Variants in PTPRQ observed in about 807,000 individuals in gnomAD.
PTPRQ encodes the protein phosphatidylinositol phosphatase PTPRQ.
In PTPRQ, 199 loss-of-function variants were observed where a neutral mutation model predicts 246.0. That is an observed-to-expected ratio of 0.81 (90% CI 0.72 to 0.91). PTPRQ has a LOEUF of 0.91. PTPRQ is among the 40% of genes least tolerant of loss of function. The probability of loss-of-function intolerance (pLI) is 0.00; values close to 1 mark genes in which losing one functional copy is unlikely to be tolerated. For missense variants in PTPRQ, 2,624 were observed against 2,528.4 expected (o/e 1.04, Z -0.81); for synonymous variants, 869 against 853.2 (o/e 1.02, Z -0.32).
chr12:80,476,475 G>T (rs375323693), intron 8 of PTPRQ, among the ~76,000 whole-genome samples: 2 of 152,090 alleles, frequency 1.3e-5, no homozygotes, highest in Non-Finnish European at 2.9e-5. Flanking sequence ...ATGGCCCAAC[G>T]ATTGTCACAA....
At chr12:80,479,698 G>A (rs2120582425) in intron 8 of PTPRQ, among the ~76,000 whole-genome samples, 1 of 142,852 alleles carries the variant, frequency 7.0e-6, no homozygotes, top group East Asian at 2.0e-4. Flanking sequence ...CAAGCAAATG[G>A]AGAACAAAAA....
At chr12:80,511,068 T>A (rs1436733933) in intron 17 of PTPRQ, among the ~76,000 whole-genome samples, 1 of 152,162 alleles carries the variant, frequency 6.6e-6, no homozygotes, top group African/African-American at 2.4e-5. Flanking sequence ...ACCAATTAGG[T>A]AACACATTAC....
chr12:80,568,917 T>C (rs1425573836), intron 25 of PTPRQ, among the ~76,000 whole-genome samples: 2 of 152,180 alleles, frequency 1.3e-5, no homozygotes, highest in African/African-American at 2.4e-5. Flanking sequence ...ACCCAATATA[T>C]GATAGTAACA....
intron 23 of PTPRQ, among the ~76,000 whole-genome samples, chr12:80,545,184 T>C (rs1481329616): frequency 6.6e-6 from 1 of 152,114 alleles, no homozygotes; most frequent in Non-Finnish European, 1.5e-5. Context: ...TAGATTTCTC[T>C]AGTTAATATA....
intron 35 of PTPRQ, 133 bp downstream of exon 35, chr12:80,635,206 A>ACC: frequency 2.2e-6 from 3 of 1,350,502 alleles, no homozygotes; most frequent in Non-Finnish European, 2.9e-6. Context: ...TCAAAGAGTG[A>ACC]CCTCCGTCTT....
intron 17 of PTPRQ, among the ~76,000 whole-genome samples, chr12:80,518,216 G>A (rs1370123193): frequency 2.0e-5 from 3 of 152,110 alleles, no homozygotes; most frequent in African/African-American, 7.2e-5. Context: ...GTTTTGATTT[G>A]CATTTCTCTG....
rs142983229 is a variant in PTPRQ at position 80,667,323 on chromosome 12, G to A, written c.6193-1684G>A. ...CCAGTGATATGTGAAGTTTGGAGAT[G>A]GGCTGGAGAACACTATGATAAGTGA... On this transcript the variant is annotated intron_variant, in intron 39 of 44. Coordinates refer to ENST00000644991, the MANE Select transcript of PTPRQ (RefSeq NM_001145026.2). 7.6e-3 allele frequency among the ~76,000 whole-genome samples: 1,158 copies of A among 151,900 alleles called. 8 individuals are homozygous for A. The highest frequency in any genetic ancestry group is 0.027 in the African/African-American group (1,117 of 41,450).
intron 37 of PTPRQ, 141 bp from the exon 38 acceptor site, chr12:80,652,603 G>T: frequency 1.3e-6 from 1 of 782,900 alleles, no homozygotes; most frequent in Non-Finnish European, 1.8e-6. Flanking sequence ...CTGTTAACTT[G>T]ACCTTGTTTC....
chr12:80,538,426 C>T (rs1340725235), intron 19 of PTPRQ, among the ~76,000 whole-genome samples: 1 of 152,006 alleles, frequency 6.6e-6, no homozygotes, highest in East Asian at 1.9e-4. Context: ...AATTCTATAA[C>T]AAAAATTAAA....
In PTPRQ at chr12:80,545,762, TTTA is replaced by T. The variant is rs947561563; in HGVS notation, c.3874-783_3874-781del. 1.2e-4 allele frequency among the ~76,000 whole-genome samples: 18 copies of T among 147,640 alleles called. 1 individual carries two copies. Among genetic ancestry groups the T allele is most frequent in the Admixed American group, 2.7e-4 (4 of 14,704 alleles). ...AATTATTATTTTAAAATAATAATAA[TTTA>T]TTATTATTATATATAATAATGTTAT... On this transcript the variant is annotated intron_variant, in intron 23 of 44. Coordinates refer to ENST00000644991, the MANE Select transcript of PTPRQ (RefSeq NM_001145026.2).
Position 80,670,440 on chromosome 12 carries a change from T to C in PTPRQ, c.6550T>C (p.Leu2184=). 2 of 1,551,282 alleles carry C rather than the reference T, an allele frequency of 1.3e-6. No individual in the cohort carries two copies. The highest frequency in any genetic ancestry group is 1.7e-6 in the Non-Finnish European group (2 of 1,146,620). Residue 2184 remains leucine, a synonymous_variant, in exon 42 of 45, where the codon TTG becomes CTG. Transcript: ENST00000644991. ...CGCCCCTCTAATTCACTTTGTGAAGTTGGTTCGAGCAAGCAGGGCACATGA... is the reference window on the plus strand; with the variant it reads ...CGCCCCTCTAATTCACTTTGTGAAGCTGGTTCGAGCAAGCAGGGCACATGA... ...NSAPLIHFVK[L]VRASRAHDTT...
intron 25 of PTPRQ, among the ~76,000 whole-genome samples, chr12:80,558,609 A>G (rs1388335010): frequency 6.6e-6 from 1 of 151,854 alleles, no homozygotes; most frequent in African/African-American, 2.4e-5. Flanking sequence ...CAATTTTTGT[A>G]GGAACATAAA....
At chr12:80,650,180 A>T (rs1218671383) in intron 37 of PTPRQ, among the ~76,000 whole-genome samples, 5 of 149,846 alleles carry the variant, frequency 3.3e-5, no homozygotes, top group African/African-American at 7.5e-5. Context: ...GTCTAAAAAT[A>T]AAAAAAAAGA....
rs543300356 is a variant in PTPRQ at position 80,465,762 on chromosome 12, T to A, written c.911-2948T>A. ...AGAACCAAAGACAAAAACCACATGATTATCTCAATAGATGCAGAAAAGGCC... is the reference window on the plus strand; with the variant it reads ...AGAACCAAAGACAAAAACCACATGAATATCTCAATAGATGCAGAAAAGGCC... On this transcript the variant is annotated intron_variant, in intron 6 of 44. Coordinates refer to ENST00000644991, the MANE Select transcript of PTPRQ (RefSeq NM_001145026.2). Among the ~76,000 whole-genome samples the A allele has an allele frequency of 6.9e-4, 105 of 152,196 alleles. No individual in the cohort carries two copies. The Middle Eastern group carries it at 0.01, about 15-fold the overall frequency.
intron 9 of PTPRQ, among the ~76,000 whole-genome samples, chr12:80,490,861 C>CT (rs1431253694): frequency 3.3e-5 from 5 of 151,884 alleles, no homozygotes; most frequent in Admixed American, 2.6e-4. Flanking sequence ...AACATTTTTG[C>CT]TTTTAATATT....
intron 14 of PTPRQ, among the ~76,000 whole-genome samples, chr12:80,503,819 C>A (rs1170143465): frequency 6.6e-6 from 1 of 151,486 alleles, no homozygotes; most frequent in East Asian, 1.9e-4. Context: ...AAGCATTATC[C>A]CTCAATTTTT....
intron 24 of PTPRQ, among the ~76,000 whole-genome samples, chr12:80,548,508 G>A (rs957328008): frequency 6.6e-6 from 1 of 152,040 alleles, no homozygotes; most frequent in African/African-American, 2.4e-5. Flanking sequence ...TTATCTTACA[G>A]AGGAAGAAAA....
chr12:80,632,683 G>A (rs1002253721), intron 34 of PTPRQ, among the ~76,000 whole-genome samples: 1 of 152,116 alleles, frequency 6.6e-6, no homozygotes, highest in East Asian at 1.9e-4. Context: ...GAAAGAAGTT[G>A]TCTCCCAAGA....
intron 26 of PTPRQ, among the ~76,000 whole-genome samples, chr12:80,591,146 G>A (rs946602834): frequency 6.5e-5 from 6 of 92,124 alleles, no homozygotes; most frequent in Admixed American, 4.3e-4. Context: ...TTTTTTTTGC[G>A]ACAGGATCTC....
Sources: gnomAD v4.1 joint callset for allele counts (sites outside exome capture counted in the v4.1 genomes callset) on GRCh38, gnomAD v4.1.1 for gene constraint, MANE v1.5 for transcripts, NCBI Gene and HGNC (gene_info 2026-07-23, HGNC 2026-07-21) for gene names.